DGKI: variants seen among roughly 807,000 people sequenced by gnomAD.
DGKI encodes the protein DAG kinase iota.
DGKI carries 55 observed loss-of-function variants against 147.5 expected under a neutral mutation model. That is an observed-to-expected ratio of 0.37 (90% CI 0.30 to 0.47). DGKI has a LOEUF of 0.47. Ranked by LOEUF, DGKI falls within the 20% of genes least tolerant of loss-of-function variation. DGKI has a pLI of 1.00. For synonymous variants in DGKI, 469 were observed against 477.1 expected, an observed-to-expected ratio of 0.98 and a Z score of 0.22; for missense variants, 1,007 against 1,323.8, an observed-to-expected ratio of 0.76 and a Z score of 3.71.
At chr7:137,671,881 C>CA (rs1169499758) in intron 3 of DGKI, among the ~76,000 whole-genome samples, 1 of 152,176 alleles carries the variant, frequency 6.6e-6, no homozygotes. Context: ...AAGACTAAAG[C>CA]AAAATACAAG....
At chr7:137,464,658 C>T (rs1209098018) in intron 26 of DGKI, among the ~76,000 whole-genome samples, 1 of 152,142 alleles carries the variant, frequency 6.6e-6, no homozygotes, top group Admixed American at 6.5e-5. Context: ...AGACTTGGTA[C>T]ATATTGGACA....
At chr7:137,644,388 C>T (rs1448716367) in intron 6 of DGKI, among the ~76,000 whole-genome samples, 1 of 152,202 alleles carries the variant, frequency 6.6e-6, no homozygotes, top group Non-Finnish European at 1.5e-5. Flanking sequence ...TGTAGCCTTC[C>T]AGAGAAGACC....
chr7:137,825,196 G>A (rs1439227449), intron 1 of DGKI, among the ~76,000 whole-genome samples: 4 of 152,034 alleles, frequency 2.6e-5, no homozygotes, highest in African/African-American at 7.2e-5. Flanking sequence ...TATTACTTTG[G>A]TTAAATAAAT....
At chr7:137,427,679 G>C (rs1812875445) in intron 28 of DGKI, among the ~76,000 whole-genome samples, 1 of 151,456 alleles carries the variant, frequency 6.6e-6, no homozygotes, top group Non-Finnish European at 1.5e-5. Context: ...AAAAAAGAGA[G>C]AAGAATCAAA....
At chr7:137,663,443 G>T (rs1415646545) in intron 3 of DGKI, among the ~76,000 whole-genome samples, 1 of 152,170 alleles carries the variant, frequency 6.6e-6, no homozygotes, top group Non-Finnish European at 1.5e-5. Flanking sequence ...AAAATCAAAG[G>T]CATTCCAGCA....
At chr7:137,802,124 AT>A (rs1406428783) in intron 1 of DGKI, among the ~76,000 whole-genome samples, 4 of 152,226 alleles carry the variant, frequency 2.6e-5, no homozygotes, top group African/African-American at 9.6e-5. Flanking sequence ...CCATTATTCT[AT>A]GTGAAGTAAC....
At position 137,412,141 on chromosome 7, in the gene DGKI, G is replaced by A. The variant is rs757359482; in HGVS notation, c.2799+29C>T. 54 of 1,605,530 alleles carry A rather than the reference G, an allele frequency of 3.4e-5. No homozygotes were observed. In the Admixed American group the frequency reaches 5.5e-4, roughly 16 times the overall value. ...GTTGATTTAAAGTTCTTAAAGCATC[G>A]CCAAAGATTTGGTAGGAAGATATCT... On this transcript the variant is annotated intron_variant, in intron 29 of 32. Coordinates refer to ENST00000614521, the MANE Select transcript of DGKI (RefSeq NM_001321708.2).
intron 28 of DGKI, among the ~76,000 whole-genome samples, chr7:137,428,654 CA>C (rs1187037224): frequency 6.6e-6 from 1 of 152,116 alleles, no homozygotes; most frequent in Non-Finnish European, 1.5e-5. Flanking sequence ...TAGAAAACCC[CA>C]TTGTCTCAGC....
At chr7:137,687,719 G>C (rs973234671) in intron 2 of DGKI, among the ~76,000 whole-genome samples, 1 of 152,148 alleles carries the variant, frequency 6.6e-6, no homozygotes, top group African/African-American at 2.4e-5. Context: ...TTTTTTTCCA[G>C]AGTAACATCT....
intron 20 of DGKI, among the ~76,000 whole-genome samples, chr7:137,534,333 G>A (rs1486722597): frequency 6.6e-6 from 1 of 151,624 alleles, no homozygotes; most frequent in Non-Finnish European, 1.5e-5. Flanking sequence ...AAAATATTTA[G>A]GTTTTTTGTT....
intron 30 of DGKI, among the ~76,000 whole-genome samples, chr7:137,399,460 C>T (rs1357078555): frequency 1.3e-5 from 2 of 152,134 alleles, no homozygotes; most frequent in Non-Finnish European, 2.9e-5. Context: ...AGGACAGTGA[C>T]CAGGGGCGAG....
chr7:137,555,162 C>T (rs535192778), intron 19 of DGKI, among the ~76,000 whole-genome samples: 212 of 151,688 alleles, frequency 1.4e-3, no homozygotes, highest in African/African-American at 4.5e-3. Context: ...GATCCTCCCG[C>T]CTCGGCCTCC....
chr7:137,515,565 A>C (rs1045479474), intron 21 of DGKI, among the ~76,000 whole-genome samples: 7 of 152,156 alleles, frequency 4.6e-5, no homozygotes, highest in African/African-American at 1.4e-4. Context: ...CTGACATGTA[A>C]ATTTTTACTT....
chr7:137,534,684 TATATAAATAATATACACAAAG>T (rs1817458893), intron 20 of DGKI, among the ~76,000 whole-genome samples: 1 of 152,038 alleles, frequency 6.6e-6, no homozygotes, highest in African/African-American at 2.4e-5. Flanking sequence ...CTAAAATATT[TATATAAATAATATACACAAAG>T]TTTAGTCTTC....
chr7:137,781,648 C>A (rs1333038179), intron 1 of DGKI, among the ~76,000 whole-genome samples: 7 of 152,212 alleles, frequency 4.6e-5, no homozygotes, highest in South Asian at 4.1e-4. Context: ...AAGCTCAATT[C>A]TAAATCAACT....
rs77277932 is a variant in DGKI, at chr7:137,843,834, T to G, written c.401+2628A>C. ...AGCCCCCTTCTTTTTGCCTGTCAAG[T>G]TTCATTCCAAAAATACACATGTTCT... On this transcript the variant is annotated intron_variant, in intron 1 of 32. Coordinates refer to ENST00000614521, the MANE Select transcript of DGKI (RefSeq NM_001321708.2). Among the ~76,000 whole-genome samples the G allele has an allele frequency of 7.2e-3, 1,076 of 150,440 alleles. 6 individuals carry two copies. The highest frequency in any genetic ancestry group is 0.024 in the African/African-American group (985 of 40,944).
chr7:137,805,861 C>T (rs1585515373), intron 1 of DGKI, among the ~76,000 whole-genome samples: 1 of 152,326 alleles, frequency 6.6e-6, no homozygotes, highest in East Asian at 1.9e-4. Flanking sequence ...GGTGAAGGAA[C>T]TTATTTGACT....
At chr7:137,421,050 T>C (rs1259319762) in intron 28 of DGKI, among the ~76,000 whole-genome samples, 1 of 151,680 alleles carries the variant, frequency 6.6e-6, no homozygotes, top group Non-Finnish European at 1.5e-5. Context: ...GAAAAAAAAA[T>C]CAGATGTAAG....
chr7:137,476,614 T>C (rs573647686), intron 23 of DGKI, among the ~76,000 whole-genome samples: 107 of 152,350 alleles, frequency 7.0e-4, no homozygotes, highest in Admixed American at 2.8e-3. Flanking sequence ...GTCTCAATAA[T>C]AGCTTAATTT....
Sources: allele counts gnomAD v4.1 joint callset (sites outside exome capture counted in the v4.1 genomes callset), GRCh38; gene constraint gnomAD v4.1.1; transcripts MANE v1.5; gene names NCBI Gene and HGNC (gene_info 2026-07-23, HGNC 2026-07-21).